The following USH2A variants were observed in gnomAD, a reference collection of about 807,000 sequenced individuals.
USH2A encodes the protein Usher syndrome 2A (autosomal recessive, mild).
Under a neutral mutation model 538.9 loss-of-function variants are expected in USH2A, and 443 were observed. The ratio of observed to expected loss-of-function variants is 0.82; its 90% confidence interval spans 0.76 to 0.89. The LOEUF (loss-of-function observed/expected upper bound fraction) is 0.89, where lower values mean the gene tolerates loss of function less well. Among genes scored for constraint, USH2A ranks in the 40% least tolerant of loss-of-function variants. The probability of loss-of-function intolerance (pLI) is 0.00; values close to 1 mark genes in which losing one functional copy is unlikely to be tolerated. For synonymous variants in USH2A, 2,413 were observed against 2,273.5 expected (o/e 1.06, Z -1.75); for missense variants, 6,633 against 6,324.8 (o/e 1.05, Z -1.65).
At chr1:216,262,451 A>C (rs2036392641) in intron 11 of USH2A, among the ~76,000 whole-genome samples, 1 of 152,032 alleles carries the variant, frequency 6.6e-6, no homozygotes. Context: ...GAGTTTTGAC[A>C]ACAGGCTAGA....
chr1:216,059,244 A>G (rs2102536354), intron 30 of USH2A, among the ~76,000 whole-genome samples: 1 of 152,282 alleles, frequency 6.6e-6, no homozygotes, highest in African/African-American at 2.4e-5. Flanking sequence ...TGCATAGCTG[A>G]GTTTAAGTTC....
intron 35 of USH2A, among the ~76,000 whole-genome samples, chr1:215,971,698 G>C (rs1667497963): frequency 6.6e-6 from 1 of 152,094 alleles, no homozygotes; most frequent in South Asian, 2.1e-4. Flanking sequence ...ATATAAACAA[G>C]AATTATAAAT....
At chr1:215,734,705 C>T (rs1026168727) in intron 60 of USH2A, among the ~76,000 whole-genome samples, 1 of 152,152 alleles carries the variant, frequency 6.6e-6, no homozygotes, top group Admixed American at 6.5e-5. Context: ...TAGGTTTTTA[C>T]TCTTAAGTTC....
intron 40 of USH2A, among the ~76,000 whole-genome samples, chr1:215,899,048 A>C (rs1665423749): frequency 6.6e-6 from 1 of 152,196 alleles, no homozygotes; most frequent in African/African-American, 2.4e-5. Context: ...TTTTTGTAAA[A>C]ATAAAGTCAA....
chr1:216,158,597 T>C (rs1236312966), intron 21 of USH2A, among the ~76,000 whole-genome samples: 1 of 152,182 alleles, frequency 6.6e-6, no homozygotes, highest in Non-Finnish European at 1.5e-5. Context: ...ATCTGTTCTT[T>C]TGCCTATACT....
At position 216,048,654 on chromosome 1, in the gene USH2A, T is replaced by TAAAAAGGGAC; in HGVS notation, c.6050-17_6050-8dup. 2 of 1,611,766 alleles carry TAAAAAGGGAC rather than the reference T, an allele frequency of 1.2e-6. No individual in the cohort carries two copies. The highest frequency in any genetic ancestry group is 2.7e-5 in the African/African-American group (2 of 74,908). ...AGCAAGCCTGTCAATATGCCTATAA[T>TAAAAAGGGAC]AAAAAGGGACAAAAGAGGGTTGCGT... On this transcript the variant is annotated splice_polypyrimidine_tract_variant and splice_region_variant and intron_variant, in intron 30 of 71. Transcript: ENST00000307340.
chr1:216,082,175 C>T (rs2031970434), intron 26 of USH2A, among the ~76,000 whole-genome samples: 1 of 152,006 alleles, frequency 6.6e-6, no homozygotes, highest in Non-Finnish European at 1.5e-5. Flanking sequence ...TTCATTCATT[C>T]AACAATATTG....
At chr1:216,147,340 C>T (rs964030950) in intron 21 of USH2A, among the ~76,000 whole-genome samples, 48 of 150,398 alleles carry the variant, frequency 3.2e-4, no homozygotes, top group Admixed American at 1.9e-3. Context: ...AGTTTCGTTC[C>T]GTGACTAGCC....
rs778562985 is a variant in USH2A, at chr1:216,246,965, G to C, written c.2429C>G (p.Ala810Gly). The C allele has an allele frequency of 6.2e-7, 1 of 1,614,068 alleles. No homozygotes were observed. Among genetic ancestry groups the C allele is most frequent in the Admixed American group, 1.7e-5 (1 of 60,004 alleles). The change falls in exon 13 of 72, where the codon GCT (alanine) becomes GGT (glycine). Residue 810 changes from alanine (A) to glycine (G), a missense_variant. Physicochemically the swap from Ala to Gly is moderately conservative, Grantham distance 60. Coordinates refer to ENST00000307340, the MANE Select transcript of USH2A (RefSeq NM_206933.4). Reference protein sequence around the residue: ...AGSLPGTVCNAKTGQCICKPN... With the variant: ...AGSLPGTVCNGKTGQCICKPN... ...CTTGCAGATGCACTGCCCTGTCTTAGCATTACAGACAGTCCCAGGGAGGGA... is the reference window on the plus strand; with the variant it reads ...CTTGCAGATGCACTGCCCTGTCTTACCATTACAGACAGTCCCAGGGAGGGA...
intron 14 of USH2A, among the ~76,000 whole-genome samples, chr1:216,222,191 G>A (rs2035469086): frequency 6.6e-6 from 1 of 152,126 alleles, no homozygotes; most frequent in Non-Finnish European, 1.5e-5. Context: ...AGTAAATCTA[G>A]TTACAAGGTC....
At chr1:216,014,967 T>C (rs1360912884) in intron 32 of USH2A, among the ~76,000 whole-genome samples, 2 of 152,218 alleles carry the variant, frequency 1.3e-5, no homozygotes, top group African/African-American at 2.4e-5. Flanking sequence ...TATTTGTTTC[T>C]ACCATCAGAA....
chr1:215,640,254 T>C (rs974649127), intron 68 of USH2A, among the ~76,000 whole-genome samples: 1 of 152,182 alleles, frequency 6.6e-6, no homozygotes, highest in African/African-American at 2.4e-5. Context: ...TGACTATGTA[T>C]GGGTGCTATT....
chr1:216,002,018 A>C (rs1668275237), intron 32 of USH2A, among the ~76,000 whole-genome samples: 1 of 152,188 alleles, frequency 6.6e-6, no homozygotes, highest in Non-Finnish European at 1.5e-5. Flanking sequence ...TATATACTTC[A>C]AGGACACTTT....
intron 4 of USH2A, among the ~76,000 whole-genome samples, chr1:216,340,747 C>T (rs1376088656): frequency 2.6e-5 from 4 of 151,972 alleles, no homozygotes; most frequent in Non-Finnish European, 2.9e-5. Context: ...GACAAAATCA[C>T]GTGATCATCT....
intron 44 of USH2A, among the ~76,000 whole-genome samples, chr1:215,859,049 G>A (rs1664246655): frequency 6.6e-6 from 1 of 152,114 alleles, no homozygotes; most frequent in Non-Finnish European, 1.5e-5. Flanking sequence ...GAGAAAGGGA[G>A]AGAAGGGGTT....
At chr1:216,170,830 A>AC (rs547314566) in intron 21 of USH2A, among the ~76,000 whole-genome samples, 2 of 151,182 alleles carry the variant, frequency 1.3e-5, no homozygotes, top group Non-Finnish European at 3.0e-5. Flanking sequence ...AACGAGCATG[A>AC]TTTTTTTTTC....
chr1:215,842,606 C>G (rs1302489917), intron 46 of USH2A, among the ~76,000 whole-genome samples: 1 of 152,140 alleles, frequency 6.6e-6, no homozygotes, highest in African/African-American at 2.4e-5. Flanking sequence ...GGTACATGTA[C>G]ACCATGGAAT....
At chr1:216,186,103 A>G (rs541371535) in intron 20 of USH2A, among the ~76,000 whole-genome samples, 1 of 151,912 alleles carries the variant, frequency 6.6e-6, no homozygotes, top group Non-Finnish European at 1.5e-5. Context: ...TTTTTTCCAG[A>G]AAAAAACAAA....
chr1:216,154,367 A>C (rs2033899014), intron 21 of USH2A, among the ~76,000 whole-genome samples: 1 of 152,196 alleles, frequency 6.6e-6, no homozygotes, highest in South Asian at 2.1e-4. Flanking sequence ...CACACTGCTT[A>C]AGTTTCTATC....
Sources: allele counts gnomAD v4.1 joint callset (sites outside exome capture counted in the v4.1 genomes callset), GRCh38; gene constraint gnomAD v4.1.1; transcripts MANE v1.5; gene names NCBI Gene and HGNC (gene_info 2026-07-23, HGNC 2026-07-21).